Variants in YAE1 observed in about 807,000 individuals in gnomAD.
YAE1 encodes protein YAE1 homolog.
YAE1 carries 22 observed loss-of-function variants against 23.0 expected under a neutral mutation model. The ratio of observed to expected loss-of-function variants is 0.96; its 90% CI spans 0.68 to 1.37. The LOEUF (loss-of-function observed/expected upper bound fraction) is 1.37, where lower values mean the gene tolerates loss of function less well. Ranked by LOEUF, YAE1 falls within the 40% of genes most tolerant of loss-of-function variation. The pLI is 0.00. For synonymous variants in YAE1, 101 were observed against 97.0 expected, an observed-to-expected ratio of 1.04 and a Z score of -0.24; for missense variants, 260 against 262.1, an observed-to-expected ratio of 0.99 and a Z score of 0.06.
At chr7:39,569,913 G>T (rs1583667529) in intron 1 of YAE1, 3 of 1,211,708 alleles carry the variant, frequency 2.5e-6, no homozygotes, top group East Asian at 2.3e-5. Flanking sequence ...AACAGTTATT[G>T]TAAACTGTCC....
intron 2 of YAE1, among the ~76,000 whole-genome samples, chr7:39,592,628 A>C (rs1442132501): frequency 5.3e-5 from 8 of 152,218 alleles, no homozygotes; most frequent in Admixed American, 5.2e-4. Context: ...ATTTTACTAG[A>C]TATGAAATAG....
rs140943856 is a variant in YAE1, at chr7:39,603,431, C to T, written c.252-6186C>T. ...GGGATTACAGGTGTGAGCCACCGCG[C>T]CCGGCTCATGTGATGAGTTTTGATA... On this transcript the variant is annotated intron_variant, in intron 2 of 2. Transcript: ENST00000432096. 7.9e-5 allele frequency among the ~76,000 whole-genome samples: 12 copies of T among 152,300 alleles called. No homozygotes were observed. In the East Asian group the frequency reaches 2.3e-3, roughly 29 times the overall value.
At chr7:39,575,564 GA>G (rs1562590518), downstream of YAE1, among the ~76,000 whole-genome samples, 1 of 112,582 alleles carries the variant, frequency 8.9e-6, no homozygotes, top group East Asian at 2.5e-4. Context: ...GAGAGAGAGA[GA>G]GAGAGAGAGA....
intron 2 of YAE1, among the ~76,000 whole-genome samples, chr7:39,604,105 A>G (rs1279290543): frequency 1.3e-5 from 2 of 152,246 alleles, no homozygotes; most frequent in African/African-American, 4.8e-5. Flanking sequence ...ATTGACATCA[A>G]GGATGCAGAT....
In YAE1 at chr7:39,570,536, A is replaced by G; in HGVS notation, c.160A>G (p.Lys54Glu). 1 of 1,612,150 alleles carries G rather than the reference A, an allele frequency of 6.2e-7. No homozygotes were observed. The highest frequency in any genetic ancestry group is 8.5e-7 in the Non-Finnish European group (1 of 1,179,684). ...EGYRDGIDAG[K>E]AVTLQQGFNQ... is the part of the protein sequence containing the mutation. Reference sequence around the variant, plus strand: ...TTATAGAGATGGAATAGATGCTGGCAAAGCAGTTACTCTTCAACAGGGCTT... The same window carrying G: ...TTATAGAGATGGAATAGATGCTGGCGAAGCAGTTACTCTTCAACAGGGCTT... Residue 54 changes from lysine (K) to glutamate (E), a missense_variant, in exon 2 of 3, where the codon AAA (lysine) becomes GAA (glutamate). Coordinates refer to ENST00000223273, the MANE Select transcript of YAE1 (RefSeq NM_020192.5).
chr7:39,578,679 C>T (rs1214674505), intron 2 of YAE1, among the ~76,000 whole-genome samples: 1 of 152,150 alleles, frequency 6.6e-6, no homozygotes, highest in African/African-American at 2.4e-5. Flanking sequence ...AAGAAAGAAA[C>T]TCCGAACACG....
At chr7:39,571,089 GATAC>G (rs1453693231) in intron 2 of YAE1, 2 of 154,670 alleles carry the variant, frequency 1.3e-5, no homozygotes, top group African/African-American at 2.4e-5. Context: ...ATGGTCAAAT[GATAC>G]ACAGAGCCAG....
intron 2 of YAE1, among the ~76,000 whole-genome samples, chr7:39,602,365 C>G (rs531680209): frequency 3.3e-5 from 5 of 152,168 alleles, no homozygotes; most frequent in Non-Finnish European, 5.9e-5. Flanking sequence ...TCTAAGAGAC[C>G]TGCAGAGCTA....
At chr7:39,570,140 C>A (rs1790541662) in intron 1 of YAE1, 2 of 815,710 alleles carry the variant, frequency 2.5e-6, no homozygotes, top group African/African-American at 3.4e-5. Context: ...CCAGGGAGCA[C>A]CCCCAAGCAA....
chr7:39,580,986 T>C (rs780361466), intron 2 of YAE1, among the ~76,000 whole-genome samples: 1 of 152,054 alleles, frequency 6.6e-6, no homozygotes, highest in African/African-American at 2.4e-5. Context: ...GCAGGAAGCA[T>C]CTCTACTTGC....
intron 2 of YAE1, among the ~76,000 whole-genome samples, chr7:39,595,972 T>C (rs1790966666): frequency 1.3e-5 from 2 of 152,204 alleles, no homozygotes; most frequent in Non-Finnish European, 2.9e-5. Flanking sequence ...GCAGCTAAAT[T>C]TCAGACCTAA....
At position 39,591,426 on chromosome 7, in the gene YAE1, TTC is replaced by T. The variant is rs528832576; in HGVS notation, c.252-18187_252-18186del. ...ATGGGTCTGGTCCACTGACAATGTA[TTC>T]TCTTAGTTTTCATTTATCTTAAAAT... is the stretch of plus-strand genomic sequence containing the variant. On this transcript the variant is annotated intron_variant, in intron 2 of 2. Transcript: ENST00000432096. Among the ~76,000 whole-genome samples, 38 of 152,342 alleles carry T rather than the reference TTC, an allele frequency of 2.5e-4. No homozygotes were observed. The East Asian group carries it at 7.3e-3, about 29-fold the overall frequency.
intron 1 of YAE1, chr7:39,570,195 C>T: frequency 1.5e-6 from 1 of 656,730 alleles, no homozygotes; most frequent in Admixed American, 2.8e-5. Flanking sequence ...CTGGAGGGTG[C>T]CATGTCTGCC....
chr7:39,599,572 C>G (rs1206791940), intron 2 of YAE1, among the ~76,000 whole-genome samples: 1 of 151,724 alleles, frequency 6.6e-6, no homozygotes, highest in Non-Finnish European at 1.5e-5. Context: ...ACGGGTTGCT[C>G]TTATATTAAG....
intron 2 of YAE1, among the ~76,000 whole-genome samples, chr7:39,593,390 G>A (rs983418055): frequency 5.9e-5 from 9 of 151,686 alleles, no homozygotes; most frequent in Admixed American, 4.6e-4. Context: ...TTACCATGTA[G>A]GCCAGTGCCA....
chr7:39,609,625 C>A (rs1191424118), exon 3 of YAE1: 1 of 1,534,368 alleles, frequency 6.5e-7, no homozygotes, highest in South Asian at 1.2e-5. Context: ...AGGAACTCAA[C>A]GGATTGGAGC....
At chr7:39,608,817 C>G (rs1791165424) in intron 2 of YAE1, among the ~76,000 whole-genome samples, 2 of 152,136 alleles carry the variant, frequency 1.3e-5, no homozygotes, top group African/African-American at 4.8e-5. Context: ...TAAACAAATA[C>G]TTTTAATTAC....
chr7:39,572,560 G>C lies in YAE1; in HGVS notation c.535G>C (p.Asp179His). 1.2e-6 allele frequency: 2 copies of C among 1,614,120 alleles called. No individual in the cohort carries two copies. The highest frequency in any genetic ancestry group is 1.7e-6 in the Non-Finnish European group (2 of 1,179,980). ...CTGTAGCAAGAGCCATAGTGGGATA[G>C]ATTGTTCATATGTAGAATGTTGTAG... ...KNCSKSHSGI[D>H]CSYVECCRTQ... Residue 179 changes from aspartate (D) to histidine (H), a missense_variant, in exon 3 of 3, where the codon GAT (aspartate) becomes CAT (histidine). Transcript: ENST00000223273.
At chr7:39,606,367 T>C (rs1791130123) in intron 2 of YAE1, among the ~76,000 whole-genome samples, 2 of 152,208 alleles carry the variant, frequency 1.3e-5, no homozygotes. Context: ...AGAATGCTAG[T>C]GTATTAAACA....
Sources: gnomAD v4.1 joint callset for allele counts (sites outside exome capture counted in the v4.1 genomes callset) on GRCh38, gnomAD v4.1.1 for gene constraint, MANE v1.5 for transcripts, NCBI Gene and HGNC (gene_info 2026-07-23, HGNC 2026-07-21) for gene names.